The following OSBPL6 variants were observed in gnomAD, a reference collection of about 807,000 sequenced individuals.
The protein encoded by OSBPL6 is oxysterol binding protein like 6.
Under a neutral mutation model 125.8 loss-of-function variants are expected in OSBPL6, and 49 were observed. The ratio of observed to expected loss-of-function variants is 0.39; its 90% CI spans 0.31 to 0.49. OSBPL6 has a LOEUF of 0.49. Among genes scored for constraint, OSBPL6 ranks in the 20% least tolerant of loss-of-function variants. OSBPL6 has a pLI of 0.88. For synonymous variants in OSBPL6, 394 were observed against 391.8 expected, an observed-to-expected ratio of 1.01 and a Z score of -0.07; for missense variants, 986 against 1,135.4, an observed-to-expected ratio of 0.87 and a Z score of 1.89.
rs1402127086 is a variant in OSBPL6, at chr2:178,389,166, A to C, written c.2301+13A>C. On this transcript the variant is annotated intron_variant, in intron 21 of 24. Coordinates refer to ENST00000190611, the MANE Select transcript of OSBPL6 (RefSeq NM_032523.4). ...CACATTTGTCAAGGTAAATACTATC[A>C]TACAACAGTAAAGGAAAATGAGTAT... is the stretch of plus-strand genomic sequence containing the variant. 3.1e-6 allele frequency: 5 copies of C among 1,611,280 alleles called. No homozygotes were observed. Among genetic ancestry groups the C allele is most frequent in the Non-Finnish European group, 4.2e-6 (5 of 1,178,860 alleles).
rs149051712 is a variant in OSBPL6, at chr2:178,399,522, A to T, written c.*3963A>T. 7.2e-5 allele frequency: 11 copies of T among 152,366 alleles called. No homozygotes were observed. Among genetic ancestry groups the T allele is most frequent in the African/African-American group, 2.6e-4 (11 of 41,602 alleles). The allele number at this position is 152,366 out of a possible 1,614,324, so 9.4% of individuals were successfully genotyped here. ...TATCTAAGAAAGACTTAGCTTTATTACGTCCAAAATGAGATCTAAAGAAGG... is the reference window on the plus strand; with the variant it reads ...TATCTAAGAAAGACTTAGCTTTATTTCGTCCAAAATGAGATCTAAAGAAGG... On this transcript the variant is annotated 3_prime_UTR_variant, in exon 25 of 25. Coordinates refer to ENST00000190611, the MANE Select transcript of OSBPL6 (RefSeq NM_032523.4).
At chr2:178,258,878 C>G (rs334011) in intron 1 of OSBPL6, among the ~76,000 whole-genome samples, 69 of 151,576 alleles carry the variant, frequency 4.6e-4, no homozygotes, top group African/African-American at 1.6e-3. Context: ...AGTCTGTAAA[C>G]GTCTGGTTTT....
At chr2:178,224,117 G>C (rs570488748) in intron 1 of OSBPL6, among the ~76,000 whole-genome samples, 1 of 152,262 alleles carries the variant, frequency 6.6e-6, no homozygotes, top group Admixed American at 6.5e-5. Flanking sequence ...TTAATATTGG[G>C]GGGAAGTGAG....
intron 3 of OSBPL6, among the ~76,000 whole-genome samples, chr2:178,307,543 TATA>T (rs1238954508): frequency 2.0e-5 from 3 of 149,378 alleles, no homozygotes; most frequent in African/African-American, 7.7e-5. Flanking sequence ...TACACACAGT[TATA>T]ATATTTATTG....
intron 1 of OSBPL6, among the ~76,000 whole-genome samples, chr2:178,221,338 A>G (rs557346763): frequency 4.6e-5 from 7 of 152,362 alleles, no homozygotes; most frequent in Non-Finnish European, 8.8e-5. Flanking sequence ...GGGTAGAAAC[A>G]TCACTGGGAA....
At chr2:178,220,411 C>A (rs1016700356) in intron 1 of OSBPL6, among the ~76,000 whole-genome samples, 1 of 152,136 alleles carries the variant, frequency 6.6e-6, no homozygotes, top group Admixed American at 6.5e-5. Context: ...ATCCTCCCAC[C>A]TCAGTCTCCT....
Position 178,388,949 on chromosome 2 carries a change from A to G in OSBPL6, c.2157-60A>G, listed in dbSNP as rs536873532. The G allele has an allele frequency of 1.2e-5, 18 of 1,544,400 alleles. No individual in the cohort carries two copies. In the South Asian group the frequency reaches 1.9e-4, roughly 17 times the overall value. On this transcript the variant is annotated intron_variant, in intron 20 of 24. Transcript: ENST00000190611. ...GGCCAAAGAATATTCTCATTAGCAG[A>G]AACAGTTATATGTGTTTGTGACCTT...
chr2:178,296,341 A>T (rs939005560), intron 2 of OSBPL6, among the ~76,000 whole-genome samples: 2 of 152,180 alleles, frequency 1.3e-5, no homozygotes, highest in African/African-American at 4.8e-5. Flanking sequence ...TGTTTTATAG[A>T]TGAGGAAACT....
chr2:178,287,900 G>C (rs1428588442), intron 2 of OSBPL6, among the ~76,000 whole-genome samples: 2 of 152,006 alleles, frequency 1.3e-5, no homozygotes. Context: ...CGAAAAAATG[G>C]GGAAATGGGG....
intron 2 of OSBPL6, among the ~76,000 whole-genome samples, chr2:178,287,165 A>C (rs931195036): frequency 4.0e-5 from 6 of 150,464 alleles, no homozygotes; most frequent in East Asian, 3.9e-4. Flanking sequence ...AAAAAAAAAA[A>C]AAAACAAATT....
intron 5 of OSBPL6, among the ~76,000 whole-genome samples, chr2:178,330,593 G>T (rs1445042234): frequency 6.6e-6 from 1 of 152,148 alleles, no homozygotes; most frequent in African/African-American, 2.4e-5. Context: ...AGAACTCATA[G>T]GGGTTCTCTG....
rs1694651173 is a variant in OSBPL6 at position 178,383,272 on chromosome 2, C to T, written c.1870C>T (p.Arg624Cys). ...TTCGGAAACTGATGATCCATATGAG[C>T]GCATGGTAATAAATAACTAACAGAG... ...KASETDDPYE[R>C]MVLVAAFAVS... The change falls in exon 17 of 25, where the codon CGC becomes TGC. Residue 624 changes from arginine (R) to cysteine (C), a missense_variant. Arg to Cys is a radical substitution (Grantham distance 180). Coordinates refer to ENST00000190611, the MANE Select transcript of OSBPL6 (RefSeq NM_032523.4). 2 of 1,613,788 alleles carry T rather than the reference C, an allele frequency of 1.2e-6. No individual in the cohort carries two copies. Among genetic ancestry groups the T allele is most frequent in the Non-Finnish European group, 8.5e-7 (1 of 1,179,932 alleles).
chr2:178,389,242 T>G, intron 21 of OSBPL6, 89 bp downstream of exon 21: 1 of 1,299,680 alleles, frequency 7.7e-7, no homozygotes, highest in South Asian at 1.4e-5. Flanking sequence ...TAGCAGCAAG[T>G]GAATCTGTCC....
intron 1 of OSBPL6, among the ~76,000 whole-genome samples, chr2:178,233,871 G>A (rs536021724): frequency 2.4e-4 from 36 of 152,246 alleles, no homozygotes; most frequent in African/African-American, 8.2e-4. Context: ...ATAAGCACTA[G>A]TAATTATCAT....
intron 1 of OSBPL6, among the ~76,000 whole-genome samples, chr2:178,242,022 C>T (rs1015352641): frequency 6.6e-6 from 1 of 152,170 alleles, no homozygotes; most frequent in Non-Finnish European, 1.5e-5. Context: ...GTAGGCTACA[C>T]CACCTAGATT....
At chr2:178,388,286 C>T (rs191627325) in intron 20 of OSBPL6, among the ~76,000 whole-genome samples, 49 of 152,180 alleles carry the variant, frequency 3.2e-4, no homozygotes, top group African/African-American at 1.2e-3. Context: ...TTATTCACAT[C>T]TGAGGTCTTA....
intron 2 of OSBPL6, among the ~76,000 whole-genome samples, chr2:178,295,724 T>G (rs1318763647): frequency 2.0e-5 from 3 of 152,112 alleles, no homozygotes; most frequent in African/African-American, 7.2e-5. Flanking sequence ...TTGGAAGGTG[T>G]TGTGTTTATA....
chr2:178,204,394 T>C (rs951411463), intron 1 of OSBPL6, among the ~76,000 whole-genome samples: 3 of 152,200 alleles, frequency 2.0e-5, no homozygotes, highest in Non-Finnish European at 4.4e-5. Flanking sequence ...CCTTTTCCTT[T>C]GGACTACAGC....
chr2:178,372,027 C>T (rs1693436745), intron 13 of OSBPL6, 99 bp from the exon 14 acceptor site: 2 of 845,150 alleles, frequency 2.4e-6, no homozygotes, highest in Non-Finnish European at 3.7e-6. Context: ...GAGCTAAGAA[C>T]ATCACAGACA....
Sources: gnomAD v4.1 joint callset for allele counts (sites outside exome capture counted in the v4.1 genomes callset) on GRCh38, gnomAD v4.1.1 for gene constraint, MANE v1.5 for transcripts, NCBI Gene and HGNC (gene_info 2026-07-23, HGNC 2026-07-21) for gene names.